LRRC4C: variants seen among roughly 807,000 people sequenced by gnomAD.
LRRC4C encodes leucine rich repeat containing 4C, also known as leucine-rich repeat-containing protein 4C.
LRRC4C carries 5 observed loss-of-function variants against 33.6 expected under a neutral mutation model. The observed-to-expected ratio is 0.15, with a 90% CI of 0.08 to 0.31. The LOEUF is 0.31. LRRC4C is among the 10% of genes least tolerant of loss of function. The probability of loss-of-function intolerance (pLI) is 1.00; values close to 1 mark genes in which losing one functional copy is unlikely to be tolerated. For missense variants in LRRC4C, 560 were observed against 796.7 expected, an observed-to-expected ratio of 0.70 and a Z score of 3.58; for synonymous variants, 329 against 302.0, an observed-to-expected ratio of 1.09 and a Z score of -0.93.
At chr11:40,783,516 C>T (rs987949682) in intron 2 of LRRC4C, among the ~76,000 whole-genome samples, 3 of 151,784 alleles carry the variant, frequency 2.0e-5, no homozygotes, top group African/African-American at 7.3e-5. Context: ...ACCATGTTGG[C>T]CAGGCTGGTC....
intron 3 of LRRC4C, among the ~76,000 whole-genome samples, chr11:40,556,394 GAGAA>G (rs776581707): frequency 3.3e-5 from 5 of 152,224 alleles, no homozygotes; most frequent in Admixed American, 6.5e-5. Flanking sequence ...AATGTAGAAA[GAGAA>G]AGAGTGAGCT....
intron 1 of LRRC4C, among the ~76,000 whole-genome samples, chr11:41,236,497 T>C (rs1824730262): frequency 6.6e-6 from 1 of 152,008 alleles, no homozygotes; most frequent in African/African-American, 2.4e-5. Flanking sequence ...TTTGTGAAAG[T>C]TTATAATGCT....
chr11:40,513,649 A>G (rs1210574352), intron 3 of LRRC4C, among the ~76,000 whole-genome samples: 1 of 152,116 alleles, frequency 6.6e-6, no homozygotes, highest in African/African-American at 2.4e-5. Context: ...CAGTGTGGAG[A>G]GTGGATTAGA....
intron 2 of LRRC4C, among the ~76,000 whole-genome samples, chr11:40,653,371 C>T (rs991179668): frequency 6.6e-6 from 1 of 152,074 alleles, no homozygotes; most frequent in Non-Finnish European, 1.5e-5. Context: ...TTGAGGTGGT[C>T]TCAAATGGAG....
At chr11:40,609,411 A>G (rs918583115) in intron 3 of LRRC4C, among the ~76,000 whole-genome samples, 3 of 152,032 alleles carry the variant, frequency 2.0e-5, no homozygotes, top group Admixed American at 2.0e-4. Context: ...CAACCAAAAC[A>G]GTACCTAAAG....
chr11:40,530,456 A>G (rs1479174218), intron 3 of LRRC4C, among the ~76,000 whole-genome samples: 1 of 152,094 alleles, frequency 6.6e-6, no homozygotes, highest in Non-Finnish European at 1.5e-5. Context: ...CTTATCAGAA[A>G]AAAAATGGGG....
At chr11:40,732,554 G>A (rs1484355661) in intron 2 of LRRC4C, among the ~76,000 whole-genome samples, 1 of 152,254 alleles carries the variant, frequency 6.6e-6, no homozygotes, top group Admixed American at 6.5e-5. Context: ...CACATCCCTA[G>A]AAGGCATGCT....
chr11:40,205,835 C>T (rs1297344850), intron 5 of LRRC4C, among the ~76,000 whole-genome samples: 4 of 152,138 alleles, frequency 2.6e-5, no homozygotes, highest in Non-Finnish European at 5.9e-5. Context: ...GAGAGGCCCG[C>T]TTGGTTCTCA....
chr11:41,002,183 C>A (rs545917899), intron 1 of LRRC4C, among the ~76,000 whole-genome samples: 45 of 152,240 alleles, frequency 3.0e-4, no homozygotes, highest in Admixed American at 1.4e-3. Flanking sequence ...ATTTAAGTAA[C>A]AGACCTCTGA....
intron 1 of LRRC4C, among the ~76,000 whole-genome samples, chr11:41,390,382 A>C (rs745467345): frequency 4.6e-5 from 7 of 151,806 alleles, no homozygotes; most frequent in Non-Finnish European, 8.8e-5. Context: ...GAAGAGAGGC[A>C]CTGTCTTAAA....
At chr11:41,271,606 G>A (rs556036465) in intron 1 of LRRC4C, among the ~76,000 whole-genome samples, 1 of 152,150 alleles carries the variant, frequency 6.6e-6, no homozygotes, top group African/African-American at 2.4e-5. Flanking sequence ...TCTGTTCACA[G>A]TCTGTTTTCT....
rs533607038 is a variant in LRRC4C at position 40,917,521 on chromosome 11, T to C, written c.-407+16114A>G. Among the ~76,000 whole-genome samples the C allele has an allele frequency of 3.9e-5, 6 of 152,234 alleles. No homozygotes were observed. The South Asian group carries it at 1.2e-3, about 32-fold the overall frequency. Reference sequence around the variant, plus strand: ...CTAGGGGCACTTAAATTATGCGTTGTATGCCATTTTGATAACATTATAACA... The same window carrying C: ...CTAGGGGCACTTAAATTATGCGTTGCATGCCATTTTGATAACATTATAACA... On this transcript the variant is annotated intron_variant, in intron 2 of 6. Coordinates refer to ENST00000528697, the MANE Select transcript of LRRC4C (RefSeq NM_001258419.2).
intron 1 of LRRC4C, among the ~76,000 whole-genome samples, chr11:41,097,710 A>G (rs1940901294): frequency 6.6e-6 from 1 of 152,154 alleles, no homozygotes; most frequent in Non-Finnish European, 1.5e-5. Flanking sequence ...TCAGAGATTT[A>G]TATATTTATT....
chr11:40,599,279 C>G (rs1959715412), intron 3 of LRRC4C, among the ~76,000 whole-genome samples: 1 of 149,848 alleles, frequency 6.7e-6, no homozygotes, highest in Admixed American at 6.7e-5. Context: ...TGAGACCTAT[C>G]TCTACAAAAA....
chr11:41,287,679 T>C lies in LRRC4C; in HGVS notation c.-496+171752A>G, dbSNP rs535017699. Among the ~76,000 whole-genome samples, 165 of 152,326 alleles carry C rather than the reference T, an allele frequency of 1.1e-3. 1 individual carries two copies. Among genetic ancestry groups the C allele is most frequent in the African/African-American group, 3.8e-3 (159 of 41,590 alleles). On this transcript the variant is annotated intron_variant, in intron 1 of 6. Coordinates refer to ENST00000528697, the MANE Select transcript of LRRC4C (RefSeq NM_001258419.2). ...ATAAAACAGAGTTTTTAATCCACTGTAAACCATTTGTGAAACCGCTTATAA... is the reference window on the plus strand; with the variant it reads ...ATAAAACAGAGTTTTTAATCCACTGCAAACCATTTGTGAAACCGCTTATAA...
intron 2 of LRRC4C, among the ~76,000 whole-genome samples, chr11:40,684,183 C>T (rs905181401): frequency 2.0e-5 from 3 of 151,412 alleles, no homozygotes; most frequent in Non-Finnish European, 2.9e-5. Flanking sequence ...AAGCTAAAGA[C>T]TTTACAAAAT....
At chr11:40,286,614 C>T (rs938817091) in intron 4 of LRRC4C, among the ~76,000 whole-genome samples, 3 of 152,016 alleles carry the variant, frequency 2.0e-5, no homozygotes, top group Non-Finnish European at 2.9e-5. Context: ...TTAAATCTTC[C>T]CATTTCTGTT....
At chr11:40,357,967 G>T (rs193101838) in intron 3 of LRRC4C, among the ~76,000 whole-genome samples, 82 of 152,216 alleles carry the variant, frequency 5.4e-4, no homozygotes, top group Admixed American at 1.9e-3. Flanking sequence ...GGTGGATCAT[G>T]AGGTCAGGAG....
intron 1 of LRRC4C, among the ~76,000 whole-genome samples, chr11:41,366,492 A>AT (rs1198054477): frequency 6.6e-6 from 1 of 152,158 alleles, no homozygotes; most frequent in Non-Finnish European, 1.5e-5. Flanking sequence ...AAAATTTTAA[A>AT]TTTTAAAATA....
Sources: gnomAD v4.1 joint callset for allele counts (sites outside exome capture counted in the v4.1 genomes callset) on GRCh38, gnomAD v4.1.1 for gene constraint, MANE v1.5 for transcripts, NCBI Gene and HGNC (gene_info 2026-07-23, HGNC 2026-07-21) for gene names.